ACTR3C: variants seen among roughly 807,000 people sequenced by gnomAD.
ACTR3C encodes the protein actin related protein 3C.
ACTR3C carries 18 observed loss-of-function variants against 26.3 expected under a neutral mutation model. The observed-to-expected ratio is 0.68, with a 90% CI of 0.47 to 1.01. The LOEUF (loss-of-function observed/expected upper bound fraction) is 1.01. Among genes scored for constraint, ACTR3C ranks in the 50% least tolerant of loss-of-function variants. ACTR3C has a pLI of 0.00. For synonymous variants in ACTR3C, 55 were observed against 94.5 expected (o/e 0.58, Z 2.42); for missense variants, 184 against 250.7 (o/e 0.73, Z 1.80).
chr7:150,059,679 C>T, the ACTR3C span, among the ~76,000 whole-genome samples: 1 of 152,144 alleles, frequency 6.6e-6, no homozygotes, highest in African/African-American at 2.4e-5. Flanking sequence ...TGTTTATCTG[C>T]ACTTTATATT....
chr7:150,296,561 G>A (rs1836755147), intron 1 of ACTR3C, among the ~76,000 whole-genome samples: 1 of 148,332 alleles, frequency 6.7e-6, no homozygotes, highest in Non-Finnish European at 1.5e-5. Context: ...ATTTTTCCTT[G>A]TCAACAAATA....
chr7:150,141,480 GT>G, the ACTR3C span, among the ~76,000 whole-genome samples: 2 of 151,374 alleles, frequency 1.3e-5, no homozygotes, highest in Non-Finnish European at 2.9e-5. Flanking sequence ...GAAAAATTCT[GT>G]GGTGCTGAAG....
At chr7:150,029,482 G>A in the ACTR3C span, among the ~76,000 whole-genome samples, 1 of 151,122 alleles carries the variant, frequency 6.6e-6, no homozygotes. Flanking sequence ...CAGGAAGATC[G>A]CTTGAGCCCA....
chr7:150,258,307 C>A (rs1833374320), intron 6 of ACTR3C, among the ~76,000 whole-genome samples: 1 of 149,944 alleles, frequency 6.7e-6, no homozygotes, highest in Non-Finnish European at 1.5e-5. Context: ...CTCAAAGGGA[C>A]CTGTAGCCAT....
At chr7:149,976,575 GAA>G in the ACTR3C span, among the ~76,000 whole-genome samples, 3 of 110,040 alleles carry the variant, frequency 2.7e-5, no homozygotes, top group African/African-American at 7.0e-5. Context: ...CTCTGTCTCA[GAA>G]AAAAAAAAAA....
chr7:150,161,024 G>A, the ACTR3C span, among the ~76,000 whole-genome samples: 2 of 150,152 alleles, frequency 1.3e-5, no homozygotes, highest in Admixed American at 6.7e-5. Context: ...GTCAGGGCAG[G>A]ACTCTGGCTG....
the ACTR3C span, among the ~76,000 whole-genome samples, chr7:149,936,170 A>G: frequency 6.6e-6 from 1 of 152,134 alleles, no homozygotes; most frequent in Admixed American, 6.5e-5. Flanking sequence ...CAAGTCCCCC[A>G]TCTCTGTCTT....
the ACTR3C span, among the ~76,000 whole-genome samples, chr7:149,906,557 G>C: frequency 4.6e-3 from 694 of 150,174 alleles, 4 homozygotes; most frequent in Middle Eastern, 0.017. Flanking sequence ...TCAGCCTCCC[G>C]AGTAGCTGGG....
At chr7:150,309,289 G>A (rs1014259376) in intron 1 of ACTR3C, among the ~76,000 whole-genome samples, 1 of 152,188 alleles carries the variant, frequency 6.6e-6, no homozygotes, top group African/African-American at 2.4e-5. Context: ...CCCGCTTGGT[G>A]GCTACCCTTA....
chr7:150,007,319 C>T, the ACTR3C span, among the ~76,000 whole-genome samples: 1 of 152,166 alleles, frequency 6.6e-6, no homozygotes, highest in Non-Finnish European at 1.5e-5. Flanking sequence ...TGTTTTCTTT[C>T]TTATAGTATT....
the ACTR3C span, among the ~76,000 whole-genome samples, chr7:149,915,417 C>T: frequency 6.6e-6 from 1 of 152,118 alleles, no homozygotes; most frequent in Non-Finnish European, 1.5e-5. Context: ...TAAGCTATTA[C>T]TCCTACCCTT....
At chr7:150,070,011 A>G in the ACTR3C span, among the ~76,000 whole-genome samples, 6 of 152,310 alleles carry the variant, frequency 3.9e-5, no homozygotes, top group South Asian at 6.2e-4. Context: ...GGAAAGGAAC[A>G]TGGACGCCTT....
chr7:150,086,072 G>A, the ACTR3C span, among the ~76,000 whole-genome samples: 628 of 152,026 alleles, frequency 4.1e-3, 3 homozygotes, highest in African/African-American at 0.014. Flanking sequence ...CGTCTCCCAG[G>A]TTCAAGCAAT....
At chr7:150,226,612 A>G in the ACTR3C span, among the ~76,000 whole-genome samples, 1 of 151,944 alleles carries the variant, frequency 6.6e-6, no homozygotes, top group South Asian at 2.1e-4. Flanking sequence ...AATTTTTTGT[A>G]TTTTTAGTAG....
At chr7:150,185,313 G>A in the ACTR3C span, among the ~76,000 whole-genome samples, 2 of 150,014 alleles carry the variant, frequency 1.3e-5, no homozygotes, top group Non-Finnish European at 3.0e-5. Context: ...GTGTGTGTGT[G>A]TGTGTGTGTA....
the ACTR3C span, among the ~76,000 whole-genome samples, chr7:150,130,880 C>A: frequency 6.6e-6 from 1 of 152,122 alleles, no homozygotes; most frequent in Admixed American, 6.6e-5. Context: ...AGGCCAGACC[C>A]AAATGATAGG....
the ACTR3C span, among the ~76,000 whole-genome samples, chr7:149,887,854 A>G: frequency 3.3e-5 from 5 of 152,318 alleles, no homozygotes; most frequent in South Asian, 1.0e-3. Flanking sequence ...AATACGTCTC[A>G]AGAGATCTGT....
the ACTR3C span, among the ~76,000 whole-genome samples, chr7:150,084,229 G>A: frequency 8.5e-6 from 1 of 117,514 alleles, no homozygotes; most frequent in Admixed American, 9.2e-5. Context: ...CCAGTTACTT[G>A]GCTTCTCTGA....
the ACTR3C span, among the ~76,000 whole-genome samples, chr7:149,951,707 A>T: frequency 1.3e-5 from 2 of 151,880 alleles, no homozygotes; most frequent in African/African-American, 2.4e-5. Context: ...GCCCACCCAG[A>T]TTATCTCCCC....
Sources: gnomAD v4.1 joint callset for allele counts (sites outside exome capture counted in the v4.1 genomes callset) on GRCh38, gnomAD v4.1.1 for gene constraint, MANE v1.5 for transcripts, NCBI Gene and HGNC (gene_info 2026-07-23, HGNC 2026-07-21) for gene names.